The following CFAP54 variants were observed in gnomAD, a reference collection of about 807,000 sequenced individuals.
CFAP54 encodes cilia and flagella associated protein 54.
A neutral mutation model predicts 370.4 loss-of-function variants in CFAP54; 290 were observed. The observed-to-expected ratio is 0.78, with a 90% CI of 0.71 to 0.86. CFAP54 has a LOEUF of 0.86. Among genes scored for constraint, CFAP54 ranks in the 40% least tolerant of loss-of-function variants. The pLI, the probability that CFAP54 is intolerant of heterozygous loss-of-function variation, is 0.00. For synonymous variants in CFAP54, 1,206 were observed against 1,236.5 expected, an observed-to-expected ratio of 0.98 and a Z score of 0.52; for missense variants, 3,399 against 3,528.7, an observed-to-expected ratio of 0.96 and a Z score of 0.93.
chr12:96,531,834 C>T (rs1393943351), intron 9 of CFAP54, among the ~76,000 whole-genome samples: 1 of 152,210 alleles, frequency 6.6e-6, no homozygotes, highest in Non-Finnish European at 1.5e-5. Context: ...AAACGATTCT[C>T]CTGCCTCAGC....
At chr12:96,718,328 C>T in intron 48 of CFAP54, 115 bp from the exon 49 acceptor site, 1 of 619,208 alleles carries the variant, frequency 1.6e-6, no homozygotes, top group Non-Finnish European at 3.0e-6. Context: ...CACTGTGCTC[C>T]AGCCTGGGTG....
chr12:96,683,358 G>A (rs1167037026), intron 40 of CFAP54, among the ~76,000 whole-genome samples: 2 of 152,204 alleles, frequency 1.3e-5, no homozygotes, highest in Non-Finnish European at 2.9e-5. Flanking sequence ...ACATGGTTAA[G>A]TTTTGTGACA....
chr12:96,575,474 A>C (rs561045656), intron 19 of CFAP54, among the ~76,000 whole-genome samples: 1 of 152,096 alleles, frequency 6.6e-6, no homozygotes, highest in African/African-American at 2.4e-5. Flanking sequence ...TAATAATAAT[A>C]GTTCTGATAT....
intron 38 of CFAP54, among the ~76,000 whole-genome samples, chr12:96,660,717 T>G (rs1956984826): frequency 6.6e-6 from 1 of 152,210 alleles, no homozygotes; most frequent in African/African-American, 2.4e-5. Context: ...TCAATGCAAT[T>G]TCTATACAAT....
At chr12:96,685,861 C>G (rs1957323905) in intron 42 of CFAP54, among the ~76,000 whole-genome samples, 1 of 152,132 alleles carries the variant, frequency 6.6e-6, no homozygotes, top group Non-Finnish European at 1.5e-5. Context: ...TCAACAATGA[C>G]TTGTTGCGTG....
chr12:96,693,702 G>A lies in CFAP54; in HGVS notation c.6265-20G>A. 1 of 1,434,260 alleles carries A rather than the reference G, an allele frequency of 7.0e-7. No homozygotes were observed. Among genetic ancestry groups the A allele is most frequent in the Non-Finnish European group, 9.6e-7 (1 of 1,037,202 alleles). The allele number at this position is 1,434,260 out of a possible 1,614,324, so 88.8% of individuals were successfully genotyped here. ...TTGATAAAATATATTTTGAAACAAA[G>A]AGTGTTTTTCTCCTGATAGGTTCTG... On this transcript the variant is annotated intron_variant, in intron 44 of 67. Transcript: ENST00000524981.
intron 5 of CFAP54, among the ~76,000 whole-genome samples, chr12:96,517,591 G>A (rs1955251448): frequency 1.3e-5 from 2 of 152,180 alleles, no homozygotes; most frequent in Admixed American, 1.3e-4. Flanking sequence ...AAATTCGAGG[G>A]TTTTTGGTGA....
At chr12:96,710,344 AC>A in intron 48 of CFAP54, among the ~76,000 whole-genome samples, 1 of 152,248 alleles carries the variant, frequency 6.6e-6, no homozygotes, top group Non-Finnish European at 1.5e-5. Flanking sequence ...ATGAGCAAGA[AC>A]CTTTACTGTG....
chr12:96,613,903 G>T (rs1229633357), intron 26 of CFAP54, among the ~76,000 whole-genome samples: 1 of 152,076 alleles, frequency 6.6e-6, no homozygotes, highest in Non-Finnish European at 1.5e-5. Context: ...TCCAGGACCA[G>T]ATGGATTCAC....
At position 96,860,892 on chromosome 12, in the gene CFAP54, T is replaced by G; in HGVS notation, c.9245T>G (p.Leu3082Ter). ...RLFDLANGCI[L>*]SGGSLFNWIV... is the part of the protein sequence containing the mutation. ...TTTGATCTGGCTAATGGTTGCATTT[T>G]ATCAGGAGGAAGCCTTTTCAACTGG... The change falls in exon 67 of 68, where the codon TTA becomes TGA. Residue 3082 changes from leucine (L) to a stop codon, truncating the protein, a stop_gained. Transcript: ENST00000524981. LOFTEE classifies it high-confidence loss of function. 1.3e-6 allele frequency: 2 copies of G among 1,535,218 alleles called. No homozygotes were observed. The highest frequency in any genetic ancestry group is 1.7e-6 in the Non-Finnish European group (2 of 1,146,288).
chr12:96,540,751 A>C (rs1955560974), intron 13 of CFAP54, 86 bp from the exon 14 acceptor site: 2 of 827,296 alleles, frequency 2.4e-6, no homozygotes, highest in Admixed American at 8.2e-5. Flanking sequence ...TGGTTGTTTC[A>C]AGGAAGTATA....
chr12:96,546,611 A>G (rs879378247), intron 14 of CFAP54, among the ~76,000 whole-genome samples: 27 of 152,126 alleles, frequency 1.8e-4, no homozygotes, highest in Admixed American at 6.5e-4. Context: ...GGTGGACCAC[A>G]TGAGGTCAGG....
rs1328681929 is a variant in CFAP54, at chr12:96,598,645, A to T, written c.3517A>T (p.Ile1173Phe). Reference protein sequence around the residue: ...HNIVLVPVVQILIKCIVVLQG... With the variant: ...HNIVLVPVVQFLIKCIVVLQG... ...AAATCATTGTGATTCTAATTTTTAGATCCTGATAAAGTGTATAGTGGTTTT... is the reference window on the plus strand; with the variant it reads ...AAATCATTGTGATTCTAATTTTTAGTTCCTGATAAAGTGTATAGTGGTTTT... The change falls in exon 26 of 68, where the codon ATC becomes TTC. Residue 1173 changes from isoleucine (I) to phenylalanine (F), a missense_variant and splice_region_variant. Transcript: ENST00000524981. The T allele has an allele frequency of 1.6e-6, 1 of 609,418 alleles. No homozygotes were observed. The highest frequency in any genetic ancestry group is 2.6e-5 in the Admixed American group (1 of 38,560). 37.8% of individuals were successfully genotyped at this position (609,418 alleles called of 1,614,324 possible). A position where few individuals can be genotyped will look rare whatever the true frequency, so the allele number is the denominator to read the frequency against.
chr12:96,521,993 A>G lies in CFAP54; in HGVS notation c.1056+23A>G, dbSNP rs1271420188. On this transcript the variant is annotated intron_variant, in intron 7 of 67. Coordinates refer to ENST00000524981, the MANE Select transcript of CFAP54 (RefSeq NM_001306084.2). ...AAGGTATAAAAATTTCATGAAATAA[A>G]AGAAATTTACCACACTCTACAGCTG... The G allele has an allele frequency of 3.4e-5, 52 of 1,525,990 alleles. No homozygotes were observed. The Admixed American group carries it at 9.9e-4, about 29-fold the overall frequency. The allele number at this position is 1,525,990 out of a possible 1,614,324, so 94.5% of individuals were successfully genotyped here.
intron 44 of CFAP54, 49 bp downstream of exon 44, chr12:96,691,359 C>T (rs368684576): frequency 3.7e-6 from 5 of 1,348,512 alleles, no homozygotes; most frequent in Non-Finnish European, 5.0e-6. Flanking sequence ...ATATTTTGCT[C>T]CACTTACCTC....
At chr12:96,568,825 A>G (rs982853844) in intron 19 of CFAP54, among the ~76,000 whole-genome samples, 4 of 152,030 alleles carry the variant, frequency 2.6e-5, no homozygotes, top group Admixed American at 2.6e-4. Context: ...TTTCTAATCA[A>G]TTAAGATGGA....
chr12:96,554,053 A>T lies in CFAP54; in HGVS notation c.2155-129A>T, dbSNP rs1592848395. On this transcript the variant is annotated intron_variant, in intron 15 of 67. Coordinates refer to ENST00000524981, the MANE Select transcript of CFAP54 (RefSeq NM_001306084.2). ...ATAAATACATGTAGTTAGAGACATA[A>T]CATTGTTAGTGTTAGATAGACTATT... The T allele has an allele frequency of 2.1e-5, 11 of 535,382 alleles. No individual in the cohort carries two copies. In the South Asian group the frequency reaches 3.3e-4, roughly 16 times the overall value. The allele number at this position is 535,382 out of a possible 1,614,324, so 33.2% of individuals were successfully genotyped here. A position where few individuals can be genotyped will look rare whatever the true frequency, so the allele number is the denominator to read the frequency against.
At chr12:96,503,066 C>CTCTCTTTCTTTCTT (rs202068946) in intron 2 of CFAP54, among the ~76,000 whole-genome samples, 2 of 111,560 alleles carry the variant, frequency 1.8e-5, no homozygotes, top group Non-Finnish European at 3.6e-5. Context: ...CTTTCTCTCT[C>CTCTCTTTCTTTCTT]TCTCTTTCTT....
At chr12:96,859,742 T>C (rs703695) in intron 66 of CFAP54, among the ~76,000 whole-genome samples, 148,577 of 152,260 alleles carry the variant, frequency 0.98, 72,502 homozygotes, top group East Asian at 1. Flanking sequence ...AGTTATTCTG[T>C]CTCCCTGAAT....
Sources: gnomAD v4.1 joint callset for allele counts (sites outside exome capture counted in the v4.1 genomes callset) on GRCh38, gnomAD v4.1.1 for gene constraint, MANE v1.5 for transcripts, NCBI Gene and HGNC (gene_info 2026-07-23, HGNC 2026-07-21) for gene names.